Variants in ATP6V0D2 observed in about 807,000 individuals in gnomAD.
The protein encoded by ATP6V0D2 is ATPase H+ transporting V0 subunit d2.
Under a neutral mutation model 40.0 loss-of-function variants are expected in ATP6V0D2, and 40 were observed. The ratio of observed to expected loss-of-function variants is 1.00; its 90% CI spans 0.78 to 1.30. The LOEUF (loss-of-function observed/expected upper bound fraction) is 1.30. Among genes scored for constraint, ATP6V0D2 ranks in the 50% most tolerant of loss-of-function variants. The probability of loss-of-function intolerance (pLI) is 0.00; values close to 1 mark genes in which losing one functional copy is unlikely to be tolerated. For missense variants in ATP6V0D2, 470 were observed against 423.1 expected, an observed-to-expected ratio of 1.11 and a Z score of -0.97; for synonymous variants, 179 against 156.3, an observed-to-expected ratio of 1.15 and a Z score of -1.08.
rs147801302 is a variant in ATP6V0D2 at position 86,103,717 on chromosome 8, C to T, written c.130+4609C>T. The stretch of plus-strand genomic sequence containing the variant: ...CTTAAGGATGGCAATTGGGTAGTAC[C>T]TACTGAAATTCCAAATGCTTATACA... On this transcript the variant is annotated intron_variant, in intron 1 of 7. Coordinates refer to ENST00000285393, the MANE Select transcript of ATP6V0D2 (RefSeq NM_152565.1). 8.6e-3 allele frequency among the ~76,000 whole-genome samples: 1,315 copies of T among 152,246 alleles called. 19 individuals are homozygous for T. Among genetic ancestry groups the T allele is most frequent in the African/African-American group, 0.03 (1,236 of 41,554 alleles).
At chr8:86,111,924 G>T (rs991121964) in intron 1 of ATP6V0D2, among the ~76,000 whole-genome samples, 1 of 152,140 alleles carries the variant, frequency 6.6e-6, no homozygotes, top group African/African-American at 2.4e-5. Context: ...ATTTGTGACT[G>T]CCTCTTTCTT....
At chr8:86,130,256 T>A (rs1456434976) in intron 2 of ATP6V0D2, among the ~76,000 whole-genome samples, 1 of 152,110 alleles carries the variant, frequency 6.6e-6, no homozygotes, top group African/African-American at 2.4e-5. Flanking sequence ...CTTGCAAAAA[T>A]CTCCTTTCTA....
chr8:86,126,817 GA>G (rs1291531796), intron 2 of ATP6V0D2, among the ~76,000 whole-genome samples: 1 of 152,108 alleles, frequency 6.6e-6, no homozygotes, highest in Non-Finnish European at 1.5e-5. Context: ...CATTAATGTA[GA>G]AAAGGACAAG....
At chr8:86,105,503 G>A (rs971033470) in intron 1 of ATP6V0D2, among the ~76,000 whole-genome samples, 2 of 152,014 alleles carry the variant, frequency 1.3e-5, no homozygotes, top group African/African-American at 4.8e-5. Flanking sequence ...TATTCATGTT[G>A]CGCAGGCTGG....
At chr8:86,129,225 C>A (rs1376955257) in intron 2 of ATP6V0D2, among the ~76,000 whole-genome samples, 2 of 152,212 alleles carry the variant, frequency 1.3e-5, no homozygotes, top group Admixed American at 1.3e-4. Context: ...GGGCTTAAAT[C>A]AGGTTTATCT....
chr8:86,132,841 C>T (rs536792375), intron 2 of ATP6V0D2, among the ~76,000 whole-genome samples: 1 of 151,996 alleles, frequency 6.6e-6, no homozygotes, highest in African/African-American at 2.4e-5. Flanking sequence ...GTATAGATAC[C>T]CAGTAGTGGC....
At position 86,129,994 on chromosome 8, in the gene ATP6V0D2, A is replaced by AG. The variant is rs1211771827; in HGVS notation, c.303-9463_303-9462insG. 1.3e-3 allele frequency among the ~76,000 whole-genome samples: 189 copies of AG among 151,014 alleles called. 1 individual carries two copies. The highest frequency in any genetic ancestry group is 4.4e-3 in the African/African-American group (181 of 41,168). On this transcript the variant is annotated intron_variant, in intron 2 of 7. Transcript: ENST00000285393. ...CCTGTCTCGAAAAGAAAAAAAAAAA[A>AG]AAAAGAAAAGAAAAGAAAAAAGAAA...
intron 1 of ATP6V0D2, among the ~76,000 whole-genome samples, chr8:86,104,082 C>A (rs1035607879): frequency 6.6e-6 from 1 of 152,226 alleles, no homozygotes; most frequent in Admixed American, 6.5e-5. Flanking sequence ...CCCACCTCAG[C>A]CTCCCAAAGT....
intron 1 of ATP6V0D2, among the ~76,000 whole-genome samples, chr8:86,111,477 A>G (rs2130236069): frequency 6.6e-6 from 1 of 152,110 alleles, no homozygotes. Context: ...TCCTTTGTCC[A>G]TTCATCCATC....
Position 86,150,207 on chromosome 8 carries a change from CA to C in ATP6V0D2, c.738del (p.Lys246AsnfsTer19), listed in dbSNP as rs1245500703. On this transcript the variant is annotated frameshift_variant, in exon 6 of 8. Coordinates refer to ENST00000285393, the MANE Select transcript of ATP6V0D2 (RefSeq NM_152565.1). LOFTEE classifies it high-confidence loss of function. ...DRETLYPTFGKLYPEGLRLLA... is the reference protein window; with the variant it reads ...DRETLYPTFGXLYPEGLRLLA... ...GAGAGACCCTCTATCCAACCTTCGG[CA>C]AACTCTATCCTGAGGGGTTGCGGCT... 4 of 1,613,296 alleles carry C rather than the reference CA, an allele frequency of 2.5e-6. No homozygotes were observed. In the Admixed American group the frequency reaches 6.7e-5, roughly 27 times the overall value.
At chr8:86,146,334 A>G (rs1237137747) in intron 5 of ATP6V0D2, among the ~76,000 whole-genome samples, 1 of 152,060 alleles carries the variant, frequency 6.6e-6, no homozygotes, top group Admixed American at 6.6e-5. Context: ...CAGTGTTCTC[A>G]TGGTACTTTT....
At chr8:86,134,418 A>G (rs781530447) in intron 2 of ATP6V0D2, among the ~76,000 whole-genome samples, 1 of 152,214 alleles carries the variant, frequency 6.6e-6, no homozygotes, top group Non-Finnish European at 1.5e-5. Context: ...TAAATACAAT[A>G]TACCCTTTCT....
intron 1 of ATP6V0D2, among the ~76,000 whole-genome samples, chr8:86,105,983 A>C (rs895726714): frequency 6.6e-6 from 1 of 152,026 alleles, no homozygotes; most frequent in Non-Finnish European, 1.5e-5. Context: ...TAAGCCTAAG[A>C]GTGTATTTTG....
chr8:86,141,573 G>A (rs752512442), intron 4 of ATP6V0D2, 44 bp downstream of exon 4: 5 of 1,377,030 alleles, frequency 3.6e-6, no homozygotes, highest in Admixed American at 1.9e-5. Flanking sequence ...ATTACACAAT[G>A]TATTGTGACT....
At chr8:86,137,894 T>C (rs1200887195) in intron 2 of ATP6V0D2, among the ~76,000 whole-genome samples, 1 of 152,228 alleles carries the variant, frequency 6.6e-6, no homozygotes, top group Non-Finnish European at 1.5e-5. Flanking sequence ...TAATACGACA[T>C]ACCTCACAGT....
chr8:86,116,530 C>A (rs1818593390), intron 2 of ATP6V0D2, among the ~76,000 whole-genome samples: 1 of 152,136 alleles, frequency 6.6e-6, no homozygotes, highest in Non-Finnish European at 1.5e-5. Context: ...TAAATAACTG[C>A]ATAGAATTGG....
chr8:86,151,751 CTTTCT>C (rs1405599103), intron 7 of ATP6V0D2, among the ~76,000 whole-genome samples: 1,845 of 88,964 alleles, frequency 0.021, 33 homozygotes, highest in South Asian at 0.089. Context: ...TGTAGCTTTT[CTTTCT>C]TTTTTTTTTT....
At chr8:86,142,842 C>A (rs757269680) in intron 4 of ATP6V0D2, 35 bp from the exon 5 acceptor site, 1 of 1,325,780 alleles carries the variant, frequency 7.5e-7, no homozygotes, top group Admixed American at 1.8e-5. Flanking sequence ...AATATATATT[C>A]ATTATATCAC....
At chr8:86,147,455 C>T (rs889795982) in intron 5 of ATP6V0D2, among the ~76,000 whole-genome samples, 35 of 152,162 alleles carry the variant, frequency 2.3e-4, no homozygotes, top group Admixed American at 9.8e-4. Flanking sequence ...TACCACACAG[C>T]GTGCCAACTC....
Sources: allele counts gnomAD v4.1 joint callset (sites outside exome capture counted in the v4.1 genomes callset), GRCh38; gene constraint gnomAD v4.1.1; transcripts MANE v1.5; gene names NCBI Gene and HGNC (gene_info 2026-07-23, HGNC 2026-07-21).